VAV3: variants seen among roughly 807,000 people sequenced by gnomAD.
The protein encoded by VAV3 is guanine nucleotide exchange factor VAV3.
In VAV3, 94 loss-of-function variants were observed where a neutral mutation model predicts 131.2. The ratio of observed to expected loss-of-function variants is 0.72; its 90% CI spans 0.61 to 0.85. The LOEUF (loss-of-function observed/expected upper bound fraction) is 0.85. VAV3 is among the 40% of genes least tolerant of loss of function. The pLI is 0.00. For missense variants in VAV3, 939 were observed against 1,002.7 expected (o/e 0.94, Z 0.86); for synonymous variants, 349 against 342.0 (o/e 1.02, Z -0.22).
At chr1:107,953,155 A>T (rs888435223) in intron 1 of VAV3, among the ~76,000 whole-genome samples, 4 of 152,162 alleles carry the variant, frequency 2.6e-5, no homozygotes, top group Non-Finnish European at 5.9e-5. Context: ...AGTTGGACTC[A>T]AGTCCTGTCT....
At chr1:107,669,592 C>T in intron 19 of VAV3, 1 of 1,134,784 alleles carries the variant, frequency 8.8e-7, no homozygotes. Flanking sequence ...AGACTAGAGC[C>T]TCCTTTTCTT....
In VAV3 at chr1:107,572,374, C is replaced by A. The variant is rs1649322251; in HGVS notation, c.*957G>T. Reference sequence around the variant, plus strand: ...AATGTGGGAATAAAAAAATCATGTCCCAGGTCATCTTTGTGTGTGTGCGGG... The same window carrying A: ...AATGTGGGAATAAAAAAATCATGTCACAGGTCATCTTTGTGTGTGTGCGGG... On this transcript the variant is annotated 3_prime_UTR_variant, in exon 27 of 27. Coordinates refer to ENST00000370056, the MANE Select transcript of VAV3 (RefSeq NM_006113.5). 1 of 152,196 alleles carries A rather than the reference C, an allele frequency of 6.6e-6. No individual in the cohort carries two copies. Among genetic ancestry groups the A allele is most frequent in the Non-Finnish European group, 1.5e-5 (1 of 68,046 alleles). The allele number at this position is 152,196 out of a possible 1,614,324, so 9.4% of individuals were successfully genotyped here. A position where few individuals can be genotyped will look rare whatever the true frequency, so the allele number is the denominator to read the frequency against.
At chr1:107,629,161 A>T (rs560085330) in intron 20 of VAV3, among the ~76,000 whole-genome samples, 2 of 152,214 alleles carry the variant, frequency 1.3e-5, no homozygotes, top group Non-Finnish European at 2.9e-5. Flanking sequence ...CCCATGATAT[A>T]AGACACAGAA....
chr1:107,617,726 C>T (rs1653272509), intron 20 of VAV3, 94 bp from the exon 21 acceptor site: 2 of 1,063,104 alleles, frequency 1.9e-6, no homozygotes, highest in Admixed American at 2.0e-5. Context: ...ACTTAGGATC[C>T]TTAGAATTCC....
intron 19 of VAV3, among the ~76,000 whole-genome samples, chr1:107,654,010 AAAG>A (rs990616399): frequency 1.3e-5 from 2 of 152,134 alleles, no homozygotes; most frequent in African/African-American, 4.8e-5. Flanking sequence ...TGCCTGTGTC[AAAG>A]AAGGTTCTTA....
At chr1:107,716,164 C>A (rs552323391) in intron 15 of VAV3, among the ~76,000 whole-genome samples, 3 of 152,212 alleles carry the variant, frequency 2.0e-5, no homozygotes, top group African/African-American at 7.2e-5. Context: ...TATAAACTGA[C>A]CAGGATTTTT....
intron 15 of VAV3, among the ~76,000 whole-genome samples, chr1:107,720,329 G>A (rs942341823): frequency 6.6e-6 from 1 of 151,084 alleles, no homozygotes; most frequent in Non-Finnish European, 1.5e-5. Flanking sequence ...GCTGCAGTGA[G>A]CTGTGATCAT....
chr1:107,682,225 T>C (rs532483206), intron 19 of VAV3, among the ~76,000 whole-genome samples: 6 of 152,144 alleles, frequency 3.9e-5, no homozygotes, highest in South Asian at 2.1e-4. Flanking sequence ...TATGTTCCTA[T>C]TGACATACTA....
intron 1 of VAV3, among the ~76,000 whole-genome samples, chr1:107,945,175 A>T (rs773400040): frequency 6.6e-6 from 1 of 152,244 alleles, no homozygotes; most frequent in Non-Finnish European, 1.5e-5. Context: ...GCTGATAGAT[A>T]TTAAACTATG....
chr1:107,598,322 C>A (rs1651557235), intron 24 of VAV3, among the ~76,000 whole-genome samples: 2 of 152,100 alleles, frequency 1.3e-5, no homozygotes, highest in South Asian at 4.1e-4. Flanking sequence ...TGCCACTGTA[C>A]TCCAGCCTGG....
chr1:107,733,150 C>T (rs991043819), intron 15 of VAV3, among the ~76,000 whole-genome samples: 5 of 152,218 alleles, frequency 3.3e-5, no homozygotes, highest in Admixed American at 2.6e-4. Flanking sequence ...AGAGACCTGA[C>T]TGTTAGAGGG....
intron 15 of VAV3, among the ~76,000 whole-genome samples, chr1:107,705,861 A>T (rs1660419156): frequency 6.6e-6 from 1 of 152,202 alleles, no homozygotes; most frequent in Admixed American, 6.5e-5. Flanking sequence ...AAACAGCATG[A>T]TTGGGAACTC....
At chr1:107,771,158 CTAAG>C (rs1324097622) in intron 5 of VAV3, among the ~76,000 whole-genome samples, 1 of 151,832 alleles carries the variant, frequency 6.6e-6, no homozygotes, top group East Asian at 1.9e-4. Flanking sequence ...GACTTTTTAA[CTAAG>C]TATTTAAGAT....
intron 19 of VAV3, among the ~76,000 whole-genome samples, chr1:107,662,334 CA>C (rs1357868179): frequency 6.6e-6 from 1 of 152,036 alleles, no homozygotes; most frequent in Non-Finnish European, 1.5e-5. Context: ...GCTCAAAAAA[CA>C]TGCACAAAAG....
At chr1:107,662,584 A>G (rs1330669987) in intron 19 of VAV3, among the ~76,000 whole-genome samples, 3 of 152,196 alleles carry the variant, frequency 2.0e-5, no homozygotes, top group African/African-American at 4.8e-5. Context: ...TAAGAGTTGA[A>G]TGGATTTTAT....
chr1:107,673,764 G>A (rs1657987767), intron 19 of VAV3: 1 of 152,094 alleles, frequency 6.6e-6, no homozygotes, highest in South Asian at 2.1e-4. Flanking sequence ...TGGAAACATA[G>A]GCATTTAATA....
intron 2 of VAV3, among the ~76,000 whole-genome samples, chr1:107,791,080 T>G (rs896462022): frequency 6.6e-6 from 1 of 152,108 alleles, no homozygotes; most frequent in Non-Finnish European, 1.5e-5. Flanking sequence ...CACCAAAGTT[T>G]GAGGGCCAGT....
chr1:107,729,244 T>C (rs989650051), intron 15 of VAV3, among the ~76,000 whole-genome samples: 5 of 152,190 alleles, frequency 3.3e-5, no homozygotes, highest in Non-Finnish European at 7.3e-5. Context: ...GAGAAGAAGC[T>C]TTAATGCATA....
intron 15 of VAV3, among the ~76,000 whole-genome samples, chr1:107,739,668 A>G (rs2102012253): frequency 6.6e-6 from 1 of 152,366 alleles, no homozygotes; most frequent in African/African-American, 2.4e-5. Flanking sequence ...AAAACAATCC[A>G]AAAGGGCTGA....
Sources: gnomAD v4.1 joint callset for allele counts (sites outside exome capture counted in the v4.1 genomes callset) on GRCh38, gnomAD v4.1.1 for gene constraint, MANE v1.5 for transcripts, NCBI Gene and HGNC (gene_info 2026-07-23, HGNC 2026-07-21) for gene names.